DPYD: variants seen among roughly 807,000 people sequenced by gnomAD.
DPYD encodes the protein dihydropyrimidine dehydrogenase [NADP(+)].
In DPYD, 109 loss-of-function variants were observed where a neutral mutation model predicts 116.2. The observed-to-expected ratio is 0.94, with a 90% CI of 0.80 to 1.10. The LOEUF is 1.10. Ranked by LOEUF, DPYD falls within the 50% of genes least tolerant of loss-of-function variation. The pLI, the probability that DPYD is intolerant of heterozygous loss-of-function variation, is 0.00. For missense variants in DPYD, 1,302 were observed against 1,254.5 expected (o/e 1.04, Z -0.57); for synonymous variants, 440 against 432.0 (o/e 1.02, Z -0.23).
At chr1:97,525,902 GT>G (rs1649042259) in intron 12 of DPYD, among the ~76,000 whole-genome samples, 1 of 148,934 alleles carries the variant, frequency 6.7e-6, no homozygotes, top group African/African-American at 2.5e-5. Flanking sequence ...GCGCGTGTGT[GT>G]GTGTGTGTGT....
chr1:97,873,341 A>G (rs1478435964), intron 2 of DPYD, among the ~76,000 whole-genome samples: 1 of 151,966 alleles, frequency 6.6e-6, no homozygotes, highest in Non-Finnish European at 1.5e-5. Context: ...GATGCAATAA[A>G]TTAATTCTTT....
intron 18 of DPYD, among the ~76,000 whole-genome samples, chr1:97,252,560 C>G: frequency 6.6e-6 from 1 of 152,152 alleles, no homozygotes; most frequent in East Asian, 1.9e-4. Context: ...TTGGGCATCA[C>G]AGATATGTTA....
intron 15 of DPYD, among the ~76,000 whole-genome samples, chr1:97,378,381 G>C (rs981334828): frequency 3.9e-5 from 6 of 152,170 alleles, no homozygotes; most frequent in Non-Finnish European, 7.3e-5. Flanking sequence ...ACATATTGCT[G>C]TCCAGATTCA....
At chr1:97,161,956 T>A (rs1421829399) in intron 20 of DPYD, among the ~76,000 whole-genome samples, 5 of 152,070 alleles carry the variant, frequency 3.3e-5, no homozygotes, top group African/African-American at 4.8e-5. Context: ...CACATTTTTT[T>A]AATCCAGTCT....
chr1:97,606,606 C>T (rs147884710), intron 8 of DPYD, among the ~76,000 whole-genome samples: 3 of 151,874 alleles, frequency 2.0e-5, no homozygotes, highest in Admixed American at 6.6e-5. Context: ...AAGCAAAATG[C>T]GAAATTTGAC....
intron 14 of DPYD, among the ~76,000 whole-genome samples, chr1:97,431,109 G>A (rs1489795497): frequency 2.6e-5 from 4 of 152,066 alleles, no homozygotes; most frequent in African/African-American, 9.7e-5. Context: ...CTTCAAGGAG[G>A]TACAGATTCA....
intron 1 of DPYD, among the ~76,000 whole-genome samples, chr1:97,905,304 G>A (rs1378230041): frequency 6.6e-6 from 1 of 151,892 alleles, no homozygotes; most frequent in Non-Finnish European, 1.5e-5. Context: ...TCATATCCTT[G>A]TCATTATATT....
At chr1:97,882,853 A>C (rs72979788) in intron 2 of DPYD, among the ~76,000 whole-genome samples, 2,830 of 152,110 alleles carry the variant, frequency 0.019, 90 homozygotes, top group African/African-American at 0.065. Context: ...TTCTTCATTT[A>C]GACTATATCT....
chr1:97,110,650 T>C (rs1312900108), intron 20 of DPYD, among the ~76,000 whole-genome samples: 1 of 152,134 alleles, frequency 6.6e-6, no homozygotes, highest in Non-Finnish European at 1.5e-5. Flanking sequence ...AAACTTCTTT[T>C]AAGCATTTTT....
chr1:97,700,086 T>C, intron 5 of DPYD: 2 of 365,656 alleles, frequency 5.5e-6, no homozygotes, highest in Non-Finnish European at 1.1e-5. Context: ...ATTCAAGAAC[T>C]ACTGACGCAG....
chr1:97,547,493 C>G (rs1274677386), intron 12 of DPYD, among the ~76,000 whole-genome samples: 1 of 152,118 alleles, frequency 6.6e-6, no homozygotes, highest in African/African-American at 2.4e-5. Flanking sequence ...GTGTCTGTCT[C>G]TGTTTAAATT....
At chr1:97,338,499 C>T (rs1002198396) in intron 16 of DPYD, among the ~76,000 whole-genome samples, 3 of 152,112 alleles carry the variant, frequency 2.0e-5, no homozygotes, top group African/African-American at 4.8e-5. Flanking sequence ...GGTGGAGCTT[C>T]GATCATCCAA....
intron 20 of DPYD, among the ~76,000 whole-genome samples, chr1:97,103,815 AAGCAT>A (rs1650931484): frequency 6.6e-6 from 1 of 152,128 alleles, no homozygotes; most frequent in Non-Finnish European, 1.5e-5. Flanking sequence ...ATGTTGGTAT[AAGCAT>A]TAAATGGAAT....
At position 97,646,167 on chromosome 1, in the gene DPYD, T is replaced by G. The variant is rs895558979; in HGVS notation, c.850+32928A>C. ...TTTCATTTCACACAAAAATATTTTT[T>G]GTATTATAGTTTCAAATACATATTC... On this transcript the variant is annotated intron_variant, in intron 8 of 22. Transcript: ENST00000370192. Among the ~76,000 whole-genome samples the G allele has an allele frequency of 4.6e-5, 7 of 152,250 alleles. No homozygotes were observed. In the East Asian group the frequency reaches 1.2e-3, roughly 25 times the overall value.
intron 11 of DPYD, 74 bp downstream of exon 11, chr1:97,573,686 C>G: frequency 6.3e-7 from 1 of 1,580,162 alleles, no homozygotes; most frequent in Non-Finnish European, 8.7e-7. Flanking sequence ...AAACAATTCC[C>G]TGAAAGCTAG....
intron 16 of DPYD, among the ~76,000 whole-genome samples, chr1:97,313,939 AAAGAATG>A (rs1236720797): frequency 6.6e-6 from 1 of 152,020 alleles, no homozygotes; most frequent in East Asian, 1.9e-4. Context: ...ATGTTGAATG[AAAGAATG>A]AAGAATTTCT....
chr1:97,547,814 C>A (rs1651017626), intron 12 of DPYD, among the ~76,000 whole-genome samples: 1 of 151,980 alleles, frequency 6.6e-6, no homozygotes, highest in African/African-American at 2.4e-5. Context: ...CCAATTACCT[C>A]ATTCATTTTG....
At chr1:97,453,845 G>A (rs1676546762) in intron 13 of DPYD, among the ~76,000 whole-genome samples, 1 of 152,050 alleles carries the variant, frequency 6.6e-6, no homozygotes, top group Non-Finnish European at 1.5e-5. Context: ...ATAATGAACA[G>A]GAAGTACAAA....
Position 97,306,195 on chromosome 1 carries a change from C to T in DPYD, c.2161G>A (p.Ala721Thr), listed in dbSNP as rs145548112. The T allele has an allele frequency of 9.4e-5, 151 of 1,612,376 alleles. No homozygotes were observed. Among genetic ancestry groups the T allele is most frequent in the Middle Eastern group, 6.6e-4 (4 of 6,050 alleles). ...TPNVTDIVSIARAAKEGGANG... is the reference protein window; with the variant it reads ...TPNVTDIVSITRAAKEGGANG... Reference sequence around the variant, plus strand: ...TTCTTACCTTCCTTTGCAGCTCTTGCGATGCTCACAATATCAGTGACATTT... The same window carrying T: ...TTCTTACCTTCCTTTGCAGCTCTTGTGATGCTCACAATATCAGTGACATTT... The change falls in exon 17 of 23, where the codon GCA becomes ACA. Residue 721 changes from alanine (A) to threonine (T), a missense_variant. Physicochemically the swap from Ala to Thr is moderately conservative, Grantham distance 58 (BLOSUM62 0). Transcript: ENST00000370192.
Sources: allele counts gnomAD v4.1 joint callset (sites outside exome capture counted in the v4.1 genomes callset), GRCh38; gene constraint gnomAD v4.1.1; transcripts MANE v1.5; gene names NCBI Gene and HGNC (gene_info 2026-07-23, HGNC 2026-07-21).